Variants in NTM observed in about 807,000 individuals in gnomAD.
NTM encodes the protein neurotrimin.
In NTM, 13 loss-of-function variants were observed where a neutral mutation model predicts 42.1. The observed-to-expected ratio is 0.31, with a 90% CI of 0.20 to 0.49. The LOEUF is 0.49. Ranked by LOEUF, NTM falls within the 20% of genes least tolerant of loss-of-function variation. The pLI is 0.99. For missense variants in NTM, 373 were observed against 452.8 expected, an observed-to-expected ratio of 0.82 and a Z score of 1.60; for synonymous variants, 187 against 179.2, an observed-to-expected ratio of 1.04 and a Z score of -0.35.
intron 1 of NTM, among the ~76,000 whole-genome samples, chr11:131,389,665 T>A (rs1434495432): frequency 6.6e-6 from 1 of 152,234 alleles, no homozygotes; most frequent in Non-Finnish European, 1.5e-5. Context: ...GAGAAGCTTA[T>A]TATTGAAAAA....
intron 4 of NTM, among the ~76,000 whole-genome samples, chr11:132,273,058 G>A (rs896870332): frequency 1.1e-4 from 17 of 151,800 alleles, no homozygotes; most frequent in African/African-American, 2.4e-4. Context: ...GTTCTGGTTC[G>A]GATTGAGGAA....
chr11:132,115,287 C>T (rs1234882312), intron 2 of NTM, among the ~76,000 whole-genome samples: 1 of 152,002 alleles, frequency 6.6e-6, no homozygotes, highest in Admixed American at 6.6e-5. Context: ...GAGAGTGGAT[C>T]TTAAGTATCC....
At chr11:131,744,898 A>G in intron 1 of NTM, among the ~76,000 whole-genome samples, 1 of 152,226 alleles carries the variant, frequency 6.6e-6, no homozygotes, top group East Asian at 1.9e-4. Flanking sequence ...ATCGCTGGAT[A>G]CCGACTAAAT....
At chr11:131,385,490 A>G (rs2135550350) in intron 1 of NTM, 1 of 152,158 alleles carries the variant, frequency 6.6e-6, no homozygotes, top group East Asian at 1.9e-4. Flanking sequence ...AGAAACTGAA[A>G]CCCTTGTGCG....
At chr11:132,014,453 TC>T (rs1360088473) in intron 2 of NTM, among the ~76,000 whole-genome samples, 3 of 152,130 alleles carry the variant, frequency 2.0e-5, no homozygotes, top group African/African-American at 7.2e-5. Context: ...TTTTTATTTT[TC>T]TGATAAATCT....
intron 1 of NTM, chr11:131,537,769 C>G (rs2052508797): frequency 6.6e-6 from 1 of 152,442 alleles, no homozygotes; most frequent in Non-Finnish European, 1.5e-5. Flanking sequence ...CCTCCCAATT[C>G]ACCTGCATTG....
chr11:132,306,877 T>C (rs1004986961), intron 4 of NTM, among the ~76,000 whole-genome samples: 33 of 152,302 alleles, frequency 2.2e-4, no homozygotes, highest in African/African-American at 7.5e-4. Flanking sequence ...TCTTGGTCTT[T>C]CAATAACTGA....
intron 1 of NTM, among the ~76,000 whole-genome samples, chr11:131,698,406 G>C (rs1334560407): frequency 6.6e-6 from 1 of 152,082 alleles, no homozygotes; most frequent in Non-Finnish European, 1.5e-5. Flanking sequence ...TCATCATCAT[G>C]ATTGACATTG....
intron 1 of NTM, among the ~76,000 whole-genome samples, chr11:131,739,822 T>C (rs994868718): frequency 1.3e-5 from 2 of 152,178 alleles, no homozygotes; most frequent in Non-Finnish European, 2.9e-5. Context: ...TTCTCTTCGC[T>C]CTTCAAATGC....
intron 1 of NTM, among the ~76,000 whole-genome samples, chr11:131,639,686 G>A (rs1022716613): frequency 9.1e-4 from 138 of 152,216 alleles, no homozygotes; most frequent in African/African-American, 2.9e-3. Flanking sequence ...GGCCCGGCGC[G>A]GTGGCTCACG....
chr11:131,790,256 A>T (rs2090740475), intron 1 of NTM, among the ~76,000 whole-genome samples: 2 of 152,152 alleles, frequency 1.3e-5, no homozygotes, highest in African/African-American at 4.8e-5. Flanking sequence ...GAGAGACCTG[A>T]GCCTCAGTGG....
intron 1 of NTM, among the ~76,000 whole-genome samples, chr11:131,895,098 A>G (rs1468770623): frequency 6.6e-6 from 1 of 152,194 alleles, no homozygotes; most frequent in African/African-American, 2.4e-5. Context: ...AAAAAGAGAA[A>G]ACCTGCAGCT....
chr11:131,932,845 T>C (rs1341366289), intron 2 of NTM, among the ~76,000 whole-genome samples: 1 of 152,150 alleles, frequency 6.6e-6, no homozygotes, highest in African/African-American at 2.4e-5. Context: ...CCAAGGGCCT[T>C]TGGAACCGAA....
chr11:131,866,175 C>G (rs2047190774), intron 1 of NTM, among the ~76,000 whole-genome samples: 1 of 152,024 alleles, frequency 6.6e-6, no homozygotes, highest in Admixed American at 6.6e-5. Flanking sequence ...ACAGCACACA[C>G]ACCACATGCT....
At chr11:132,287,205 C>G (rs1160114701) in intron 4 of NTM, among the ~76,000 whole-genome samples, 1 of 152,164 alleles carries the variant, frequency 6.6e-6, no homozygotes, top group Non-Finnish European at 1.5e-5. Context: ...GGGTGTAAAG[C>G]TGAGTAATTT....
rs318989 is a variant in NTM at position 131,468,174 on chromosome 11, C to A, written c.82+97286C>A. 1.6e-4 allele frequency among the ~76,000 whole-genome samples: 25 copies of A among 152,322 alleles called. No homozygotes were observed. The South Asian group carries it at 5.2e-3, about 32-fold the overall frequency. Reference sequence around the variant, plus strand: ...TGCCCACTCGCACTTTGCCTGCCCCCCTTCCTGTCTGTCTGCTCCAGCCCA... The same window carrying A: ...TGCCCACTCGCACTTTGCCTGCCCCACTTCCTGTCTGTCTGCTCCAGCCCA... On this transcript the variant is annotated intron_variant, in intron 1 of 8. Transcript: ENST00000683400.
chr11:132,326,157 TAAAGTA>T (rs1352754919), intron 7 of NTM, among the ~76,000 whole-genome samples: 1 of 151,798 alleles, frequency 6.6e-6, no homozygotes, highest in African/African-American at 2.4e-5. Flanking sequence ...CCCTAAAACT[TAAAGTA>T]AAATAATAAT....
chr11:131,805,068 C>T (rs1247121603), intron 1 of NTM, among the ~76,000 whole-genome samples: 1 of 152,196 alleles, frequency 6.6e-6, no homozygotes, highest in Non-Finnish European at 1.5e-5. Context: ...TAATCACTCT[C>T]AGGCATTTTG....
At chr11:131,382,986 T>A (rs959658098) in intron 1 of NTM, among the ~76,000 whole-genome samples, 1 of 152,196 alleles carries the variant, frequency 6.6e-6, no homozygotes, top group Non-Finnish European at 1.5e-5. Context: ...AAATAACTGA[T>A]TCCATAAGAC....
Sources: allele counts gnomAD v4.1 joint callset (sites outside exome capture counted in the v4.1 genomes callset), GRCh38; gene constraint gnomAD v4.1.1; transcripts MANE v1.5; gene names NCBI Gene and HGNC (gene_info 2026-07-23, HGNC 2026-07-21).